FASTKD1: variants seen among roughly 807,000 people sequenced by gnomAD.
The protein encoded by FASTKD1 is FAST kinase domain-containing protein 1, mitochondrial.
In FASTKD1, 94 loss-of-function variants were observed where a neutral mutation model predicts 90.9. The ratio of observed to expected loss-of-function variants is 1.03; its 90% confidence interval spans 0.88 to 1.23. The LOEUF is 1.23. FASTKD1 is among the 50% of genes most tolerant of loss of function. The pLI, the probability that FASTKD1 is intolerant of heterozygous loss-of-function variation, is 0.00. For missense variants in FASTKD1, 945 were observed against 993.5 expected, an observed-to-expected ratio of 0.95 and a Z score of 0.66; for synonymous variants, 319 against 345.8, an observed-to-expected ratio of 0.92 and a Z score of 0.86.
rs1683363375 is a variant in FASTKD1, at chr2:169,557,269, C to CT, written c.999dup (p.Glu334ArgfsTer27). 6.2e-7 allele frequency: 1 copy of CT among 1,608,968 alleles called. No homozygotes were observed. The highest frequency in any genetic ancestry group is 1.3e-5 in the African/African-American group (1 of 74,480). On this transcript the variant is annotated frameshift_variant, in exon 6 of 15. Transcript: ENST00000453153. LOFTEE classifies it high-confidence loss of function. ...AGGGCTTGCTCGCCAGTTAGGTCCT[C>CT]TGACATCAATAACATAGTTGATTTA...
chr2:169,564,304 G>C (rs116713275), intron 3 of FASTKD1, among the ~76,000 whole-genome samples: 2 of 151,876 alleles, frequency 1.3e-5, no homozygotes, highest in South Asian at 4.1e-4. Flanking sequence ...AGGTAATATC[G>C]AAAATTTAAA....
In FASTKD1 at chr2:169,560,740, T is replaced by C. The variant is rs777194957; in HGVS notation, c.618A>G (p.Arg206=). 9.4e-6 allele frequency: 15 copies of C among 1,596,644 alleles called. No homozygotes were observed. Among genetic ancestry groups the C allele is most frequent in the Non-Finnish European group, 1.2e-5 (14 of 1,173,736 alleles). ...LMVNISSLIS[R]HFQQQLVNKT... ...TGTTCACCAGTTGTTGTTGAAAATG[T>C]CGTGATATTAAAGAAGATATGTTGA... Residue 206 remains arginine (R), a synonymous_variant, in exon 5 of 15, where the codon CGA becomes CGG. Transcript: ENST00000453153.
chr2:169,561,464 TTA>T (rs937006899), intron 4 of FASTKD1, among the ~76,000 whole-genome samples: 2 of 151,956 alleles, frequency 1.3e-5, no homozygotes, highest in Admixed American at 1.3e-4. Context: ...GTAAGTAATC[TTA>T]TGTTAAAAAC....
Position 169,546,658 on chromosome 2 carries a change from G to A in FASTKD1, c.1261C>T (p.Arg421Cys), listed in dbSNP as rs774513827. The change falls in exon 8 of 15, where the codon CGT becomes TGT. Residue 421 changes from arginine (R) to cysteine (C), a missense_variant. By Grantham distance (180) the Arg-to-Cys change is radical (BLOSUM62 -3). Transcript: ENST00000453153. Reference sequence around the variant, plus strand: ...GGAGAAGGGAGCAGGGAAATAGCACGGACCAGAACAGACACCTCAGTTGGT... The same window carrying A: ...GGAGAAGGGAGCAGGGAAATAGCACAGACCAGAACAGACACCTCAGTTGGT... The part of the protein sequence containing the change: ...FIPTEVSVLV[R>C]AISLLPSPHL... 46 of 1,613,384 alleles carry A rather than the reference G, an allele frequency of 2.9e-5. No individual in the cohort carries two copies. The highest frequency in any genetic ancestry group is 3.1e-5 in the Non-Finnish European group (36 of 1,179,864).
At position 169,537,332 on chromosome 2, in the gene FASTKD1, C is replaced by G. The variant is rs2105339241; in HGVS notation, c.2083G>C (p.Gly695Arg). Residue 695 changes from glycine (G) to arginine (R), a missense_variant, in exon 12 of 15, where the codon GGC (glycine) becomes CGC (arginine). Transcript: ENST00000453153. ...ATCTGCTGTTGTGTTCCATCCATGC[C>G]ACCAATACCTTTATAAAAAAATAAA... ...FCQQYNKGIG[G>R]MDGTQQQIFK... 6.3e-7 allele frequency: 1 copy of G among 1,580,622 alleles called. No individual in the cohort carries two copies. Among genetic ancestry groups the G allele is most frequent in the East Asian group, 2.2e-5 (1 of 44,618 alleles).
chr2:169,552,640 G>A (rs1685539454), intron 7 of FASTKD1, among the ~76,000 whole-genome samples: 1 of 152,128 alleles, frequency 6.6e-6, no homozygotes, highest in South Asian at 2.1e-4. Context: ...AAGTAACACA[G>A]GAGGGGAAAA....
chr2:169,557,215 C>G lies in FASTKD1; in HGVS notation c.1054G>C (p.Glu352Gln). The G allele has an allele frequency of 6.2e-7, 1 of 1,611,672 alleles. No individual in the cohort carries two copies. The highest frequency in any genetic ancestry group is 8.5e-7 in the Non-Finnish European group (1 of 1,178,190). The change falls in exon 6 of 15, where the codon GAA (glutamate) becomes CAA (glutamine). Residue 352 changes from glutamate (E) to glutamine (Q), a missense_variant. Physicochemically the swap from Glu to Gln is conservative, Grantham distance 29. Transcript: ENST00000453153. ...LAVLGAMGDM[E>Q]SRNSCLIKRV... ...TTAATCAGACATGAGTTTCTGCTTT[C>G]CATATCTCCCATTGCTCCCAACACT...
intron 3 of FASTKD1, among the ~76,000 whole-genome samples, chr2:169,568,609 A>G (rs953476782): frequency 6.9e-6 from 1 of 144,100 alleles, no homozygotes; most frequent in Admixed American, 7.0e-5. Flanking sequence ...CCTGGGCAAC[A>G]TGTCAAGACC....
At position 169,572,105 on chromosome 2, in the gene FASTKD1, AAC is replaced by A; in HGVS notation, c.-78_-77del. 1 of 1,497,244 alleles carries A rather than the reference AAC, an allele frequency of 6.7e-7. No homozygotes were observed. Among genetic ancestry groups the A allele is most frequent in the Non-Finnish European group, 8.9e-7 (1 of 1,126,996 alleles). The allele number at this position is 1,497,244 out of a possible 1,614,324, so 92.7% of individuals were successfully genotyped here. A position where few individuals can be genotyped will look rare whatever the true frequency, so the allele number is the denominator to read the frequency against. ...AGGTGCAATAAGCAGGGATACAAAT[AAC>A]AGTTTTTCCTTCATGTATTTTGCTT... is the stretch of plus-strand genomic sequence containing the variant. On this transcript the variant is annotated 5_prime_UTR_variant, in exon 2 of 15. The change creates a premature stop within an existing upstream ORF in the 5' untranslated region. Coordinates refer to ENST00000453153, the MANE Select transcript of FASTKD1 (RefSeq NM_024622.6).
intron 5 of FASTKD1, 21 bp downstream of exon 5, chr2:169,560,366 T>A (rs775254147): frequency 6.6e-7 from 1 of 1,512,128 alleles, no homozygotes; most frequent in Non-Finnish European, 8.8e-7. Context: ...AAAAAAGTAA[T>A]GCATTTTAAA....
intron 10 of FASTKD1, 62 bp downstream of exon 10, chr2:169,539,989 G>C: frequency 9.4e-7 from 1 of 1,064,144 alleles, no homozygotes. Flanking sequence ...AGTATAGATA[G>C]ACCTGAGACT....
intron 4 of FASTKD1, among the ~76,000 whole-genome samples, chr2:169,561,313 T>C (rs1574404885): frequency 6.9e-6 from 1 of 144,204 alleles, no homozygotes; most frequent in South Asian, 2.2e-4. Flanking sequence ...GGAAGTAGGG[T>C]GGAGTGGGGC....
intron 7 of FASTKD1, among the ~76,000 whole-genome samples, chr2:169,548,706 T>A (rs1375899902): frequency 1.8e-5 from 2 of 111,688 alleles, no homozygotes; most frequent in African/African-American, 7.3e-5. Context: ...CACTCCAGCC[T>A]GGGTGACAGA....
chr2:169,544,863 G>T, intron 8 of FASTKD1, 28 bp from the exon 9 acceptor site: 1 of 1,341,718 alleles, frequency 7.5e-7, no homozygotes, highest in Non-Finnish European at 1.0e-6. Context: ...AAAATTTATA[G>T]TTTAAACTTT....
chr2:169,535,592 G>A (rs749852980), intron 12 of FASTKD1, among the ~76,000 whole-genome samples: 4 of 152,060 alleles, frequency 2.6e-5, no homozygotes, highest in Non-Finnish European at 5.9e-5. Context: ...GTATGAGCAT[G>A]AGCCACTGTG....
intron 8 of FASTKD1, among the ~76,000 whole-genome samples, chr2:169,545,612 A>G (rs1436019426): frequency 6.6e-6 from 1 of 152,262 alleles, no homozygotes; most frequent in Non-Finnish European, 1.5e-5. Context: ...ATCTGCAAGA[A>G]GATGCAATGA....
Position 169,530,664 on chromosome 2 carries a change from T to C in FASTKD1, c.2365A>G (p.Arg789Gly). The C allele has an allele frequency of 6.2e-7, 1 of 1,607,722 alleles. No individual in the cohort carries two copies. Among genetic ancestry groups the C allele is most frequent in the Non-Finnish European group, 8.5e-7 (1 of 1,178,184 alleles). Residue 789 changes from arginine (R) to glycine (G), a missense_variant, in exon 14 of 15, where the codon AGA becomes GGA. By Grantham distance (125) the Arg-to-Gly change is moderately radical. Coordinates refer to ENST00000453153, the MANE Select transcript of FASTKD1 (RefSeq NM_024622.6). ...TTTCCTTTCATGTGAGGGATATTTC[T>C]ACAAAGTGCTTTTGAATCCAAAAAT... is the stretch of plus-strand genomic sequence containing the variant. ...LEFLDSKALC[R>G]NIPHMKGKSA... is the part of the protein sequence containing the mutation.
rs1442045811 is a variant in FASTKD1 at position 169,546,282 on chromosome 2, G to C, written c.1637C>G (p.Thr546Ser). 6.2e-6 allele frequency: 10 copies of C among 1,613,034 alleles called. No individual in the cohort carries two copies. The South Asian group carries it at 1.1e-4, about 18-fold the overall frequency. The change falls in exon 8 of 15, where the codon ACT becomes AGT. Residue 546 changes from threonine (T) to serine (S), a missense_variant. Thr to Ser is a moderately conservative substitution (Grantham distance 58, BLOSUM62 1). Transcript: ENST00000453153. ...TAGTAGCAAAGTACTGAGGTAATCA[G>C]TACTAGAAATAAAAGATGCAATCTC... ...VGEIASFISS[T>S]DYLSTLLLDR...
Position 169,529,926 on chromosome 2 carries a change from T to A in FASTKD1, c.2443A>T (p.Ile815Phe). The change falls in exon 15 of 15, where the codon ATT (isoleucine) becomes TTT (phenylalanine). Residue 815 changes from isoleucine (I) to phenylalanine (F), a missense_variant and splice_region_variant. Ile to Phe is a conservative substitution (Grantham distance 21). Transcript: ENST00000453153. ...LEILGYRVIQ[I>F]SQFEWNSMAL... is the part of the protein sequence containing the mutation. ...ATAGAGTTCCATTCAAACTGGGAAATCTGAAAATAAGTAATGTTGTTTGAA... is the reference window on the plus strand; with the variant it reads ...ATAGAGTTCCATTCAAACTGGGAAAACTGAAAATAAGTAATGTTGTTTGAA... The A allele has an allele frequency of 6.2e-7, 1 of 1,602,894 alleles. No homozygotes were observed. The highest frequency in any genetic ancestry group is 1.3e-5 in the African/African-American group (1 of 74,518).
Sources: allele counts gnomAD v4.1 joint callset (sites outside exome capture counted in the v4.1 genomes callset), GRCh38; gene constraint gnomAD v4.1.1; transcripts MANE v1.5; gene names NCBI Gene and HGNC (gene_info 2026-07-23, HGNC 2026-07-21).